The following ACTN2 variants were observed in gnomAD, a reference collection of about 807,000 sequenced individuals.
The protein encoded by ACTN2 is alpha-actinin-2.
In ACTN2, 39 loss-of-function variants were observed where a neutral mutation model predicts 113.8. That is an observed-to-expected ratio of 0.34 (90% CI 0.27 to 0.45). The LOEUF is 0.45. Among genes scored for constraint, ACTN2 ranks in the 20% least tolerant of loss-of-function variants. The pLI, the probability that ACTN2 is intolerant of heterozygous loss-of-function variation, is 1.00. For missense variants in ACTN2, 992 were observed against 1,177.9 expected, an observed-to-expected ratio of 0.84 and a Z score of 2.31; for synonymous variants, 429 against 444.1, an observed-to-expected ratio of 0.97 and a Z score of 0.43.
At position 236,723,371 on chromosome 1, in the gene ACTN2, A is replaced by G. The variant is rs574279460; in HGVS notation, c.449-2562A>G. ...GACATGCACAGGAGTTGTTCAAGTT[A>G]TAGCACATGGAACTTTAGGGGTGTG... is the stretch of plus-strand genomic sequence containing the variant. On this transcript the variant is annotated intron_variant, in intron 4 of 20. Coordinates refer to ENST00000366578, the MANE Select transcript of ACTN2 (RefSeq NM_001103.4). Among the ~76,000 whole-genome samples the G allele has an allele frequency of 2.0e-5, 3 of 152,338 alleles. No homozygotes were observed. In the East Asian group the frequency reaches 5.8e-4, roughly 29 times the overall value.
At chr1:236,729,673 G>A (rs1447491753) in intron 6 of ACTN2, among the ~76,000 whole-genome samples, 3 of 152,176 alleles carry the variant, frequency 2.0e-5, no homozygotes, top group East Asian at 3.9e-4. Flanking sequence ...TTTTAAGGTA[G>A]CCCATGAAAA....
chr1:236,727,768 T>A lies in ACTN2; in HGVS notation c.615+12T>A. The A allele has an allele frequency of 6.2e-7, 1 of 1,613,436 alleles. No individual in the cohort carries two copies. The highest frequency in any genetic ancestry group is 8.5e-7 in the Non-Finnish European group (1 of 1,179,796). On this transcript the variant is annotated intron_variant, in intron 6 of 20. Transcript: ENST00000366578. ...CAAAGCTTAACAAGGTTATTCTGGG[T>A]GGCCTGGCATGCAGTGTCCCCAGCC...
chr1:236,693,462 G>T (rs1657357143), intron 1 of ACTN2, among the ~76,000 whole-genome samples: 1 of 152,212 alleles, frequency 6.6e-6, no homozygotes, highest in South Asian at 2.1e-4. Context: ...AGCCAGGCTG[G>T]TGTAAGGAAG....
Position 236,751,602 on chromosome 1 carries a change from A to C in ACTN2, c.1789A>C (p.Asn597His), listed in dbSNP as rs1262131275. 3.1e-6 allele frequency: 5 copies of C among 1,613,920 alleles called. No homozygotes were observed. The highest frequency in any genetic ancestry group is 3.3e-5 in the Admixed American group (2 of 59,990). ...QSYNIRISSS[N>H]PYSTVTMDEL... ...CTACAACATCAGAATCAGCTCAAGC[A>C]ACCCGTACAGCACTGTCACCATGGA... Residue 597 changes from asparagine (N) to histidine (H), a missense_variant, in exon 15 of 21, where the codon AAC becomes CAC. Physicochemically the swap from Asn to His is moderately conservative, Grantham distance 68. Around this residue, in one of 3 missense-constraint regions of ACTN2, gnomAD observed 736 missense variants for 815.4 expected, o/e 0.90. Transcript: ENST00000366578.
chr1:236,740,125 T>C (rs1558241845), intron 10 of ACTN2, among the ~76,000 whole-genome samples: 1 of 152,092 alleles, frequency 6.6e-6, no homozygotes, highest in Non-Finnish European at 1.5e-5. Context: ...CTCACTTTTT[T>C]TTTTTGGAGA....
At position 236,713,361 on chromosome 1, in the gene ACTN2, G is replaced by A. The variant is rs1572108093; in HGVS notation, c.127-4497G>A. On this transcript the variant is annotated intron_variant, in intron 1 of 20. Coordinates refer to ENST00000366578, the MANE Select transcript of ACTN2 (RefSeq NM_001103.4). Reference sequence around the variant, plus strand: ...TTCTGCCTCAGCCTCCCGAGTAGCTGGGATTACAGGTGTGCATCACCATGT... The same window carrying A: ...TTCTGCCTCAGCCTCCCGAGTAGCTAGGATTACAGGTGTGCATCACCATGT... Among the ~76,000 whole-genome samples the A allele has an allele frequency of 2.0e-5, 3 of 152,092 alleles. No individual in the cohort carries two copies. The East Asian group carries it at 5.8e-4, about 29-fold the overall frequency.
chr1:236,728,661 A>G (rs1371790522), intron 6 of ACTN2, among the ~76,000 whole-genome samples: 1 of 152,146 alleles, frequency 6.6e-6, no homozygotes, highest in Non-Finnish European at 1.5e-5. Flanking sequence ...TAACTTAGAA[A>G]ACTGCAATTC....
intron 1 of ACTN2, among the ~76,000 whole-genome samples, chr1:236,688,030 G>GA (rs1391713203): frequency 6.6e-6 from 1 of 152,014 alleles, no homozygotes; most frequent in African/African-American, 2.4e-5. Context: ...GTAATAAATA[G>GA]AAAAAAACAA....
chr1:236,724,033 G>A lies in ACTN2; in HGVS notation c.449-1900G>A, dbSNP rs111393850. ...TCTTTCCAGGCCTTTATAAAAACAT[G>A]CCATAGCATGGATGGCTTAAACAGC... On this transcript the variant is annotated intron_variant, in intron 4 of 20. Coordinates refer to ENST00000366578, the MANE Select transcript of ACTN2 (RefSeq NM_001103.4). Among the ~76,000 whole-genome samples the A allele has an allele frequency of 3.2e-3, 488 of 152,304 alleles. 3 individuals carry two copies. The highest frequency in any genetic ancestry group is 0.011 in the African/African-American group (465 of 41,558).
In ACTN2 at chr1:236,752,594, C is replaced by A. The variant is rs6702237; in HGVS notation, c.1839+942C>A. Among the ~76,000 whole-genome samples, 1,263 of 152,128 alleles carry A rather than the reference C, an allele frequency of 8.3e-3. 18 individuals carry two copies. Among genetic ancestry groups the A allele is most frequent in the African/African-American group, 0.029 (1,195 of 41,494 alleles). On this transcript the variant is annotated intron_variant, in intron 15 of 20. Coordinates refer to ENST00000366578, the MANE Select transcript of ACTN2 (RefSeq NM_001103.4). ...TGAGACAGAGTCTCACTCTGTTGCC[C>A]AGGCTAGAGTGCAGAGGCAAAATCT...
At chr1:236,728,941 C>G (rs1289846794) in intron 6 of ACTN2, among the ~76,000 whole-genome samples, 1 of 151,820 alleles carries the variant, frequency 6.6e-6, no homozygotes, top group Non-Finnish European at 1.5e-5. Flanking sequence ...AAAAAGATAT[C>G]AATGTCCTTT....
At chr1:236,756,947 A>T (rs796476372) in intron 17 of ACTN2, among the ~76,000 whole-genome samples, 1 of 10,210 alleles carries the variant, frequency 9.8e-5, no homozygotes, top group Non-Finnish European at 2.3e-4. Flanking sequence ...GAACCCTGGT[A>T]ATAGAGTATA....
At chr1:236,693,358 G>A (rs1008154879) in intron 1 of ACTN2, among the ~76,000 whole-genome samples, 4 of 152,184 alleles carry the variant, frequency 2.6e-5, no homozygotes, top group African/African-American at 9.7e-5. Context: ...AGCAGAGAGA[G>A]TTGATGACAC....
intron 1 of ACTN2, among the ~76,000 whole-genome samples, chr1:236,704,094 C>T (rs707214): frequency 0.88 from 133,951 of 152,214 alleles, 60,138 homozygotes; most frequent in East Asian, 0.98. Flanking sequence ...TAGAATTTGA[C>T]GTGGAAAAGG....
At chr1:236,730,236 T>C (rs1249518512) in intron 6 of ACTN2, among the ~76,000 whole-genome samples, 1 of 151,770 alleles carries the variant, frequency 6.6e-6, no homozygotes, top group African/African-American at 2.4e-5. Flanking sequence ...AAGTCTCAGG[T>C]GATAAGCTTT....
chr1:236,697,692 G>C (rs1657553543), intron 1 of ACTN2, among the ~76,000 whole-genome samples: 2 of 151,404 alleles, frequency 1.3e-5, no homozygotes, highest in Admixed American at 1.3e-4. Context: ...AGTTGGTTTA[G>C]TTACTGGAAC....
intron 20 of ACTN2, 125 bp downstream of exon 20, chr1:236,761,298 G>A (rs1659700842): frequency 1.8e-6 from 2 of 1,135,524 alleles, no homozygotes; most frequent in Non-Finnish European, 2.6e-6. Flanking sequence ...CATTGGCACT[G>A]ATTTCAGAAG....
intron 1 of ACTN2, among the ~76,000 whole-genome samples, chr1:236,701,553 G>A (rs1657678466): frequency 6.6e-6 from 1 of 152,082 alleles, no homozygotes; most frequent in African/African-American, 2.4e-5. Flanking sequence ...GGGGTTGACT[G>A]TTATACTTTT....
intron 14 of ACTN2, 66 bp from the exon 15 acceptor site, chr1:236,751,404 A>G (rs1190397329): frequency 6.3e-7 from 1 of 1,576,780 alleles, no homozygotes; most frequent in African/African-American, 1.3e-5. Flanking sequence ...GCGGAAAGGA[A>G]TATCAAAGCC....
Sources: allele counts gnomAD v4.1 joint callset (sites outside exome capture counted in the v4.1 genomes callset), GRCh38; gene constraint gnomAD v4.1.1; regional missense constraint gnomAD v4.1.1; transcripts MANE v1.5; gene names NCBI Gene and HGNC (gene_info 2026-07-23, HGNC 2026-07-21).